The following DCC variants were observed in gnomAD, a reference collection of about 807,000 sequenced individuals.
DCC encodes the protein DCC netrin 1 receptor.
Under a neutral mutation model 172.5 loss-of-function variants are expected in DCC, and 58 were observed. The ratio of observed to expected loss-of-function variants is 0.34; its 90% CI spans 0.27 to 0.42. The LOEUF (loss-of-function observed/expected upper bound fraction) is 0.42. Among genes scored for constraint, DCC ranks in the 10% least tolerant of loss-of-function variants. The pLI, the probability that DCC is intolerant of heterozygous loss-of-function variation, is 1.00. For missense variants in DCC, 1,740 were observed against 1,791.0 expected (o/e 0.97, Z 0.51); for synonymous variants, 709 against 644.5 (o/e 1.10, Z -1.52).
At chr18:53,282,844 T>C (rs935414622) in intron 12 of DCC, among the ~76,000 whole-genome samples, 1 of 152,120 alleles carries the variant, frequency 6.6e-6, no homozygotes, top group East Asian at 1.9e-4. Context: ...ATGAATGCCA[T>C]TGGGTACCAA....
At chr18:53,204,648 A>G (rs922256938) in intron 9 of DCC, among the ~76,000 whole-genome samples, 5 of 152,210 alleles carry the variant, frequency 3.3e-5, no homozygotes, top group African/African-American at 9.6e-5. Flanking sequence ...TAACAATAAT[A>G]AGAGAAAATG....
chr18:52,382,920 A>G (rs1401127515), intron 1 of DCC, among the ~76,000 whole-genome samples: 2 of 152,132 alleles, frequency 1.3e-5, no homozygotes, highest in Non-Finnish European at 2.9e-5. Context: ...TATGTCATTC[A>G]TTATTTCATC....
chr18:53,080,328 T>A (rs1329678153), intron 7 of DCC, among the ~76,000 whole-genome samples: 1 of 152,138 alleles, frequency 6.6e-6, no homozygotes, highest in East Asian at 1.9e-4. Flanking sequence ...AGAAAGAGCC[T>A]GGATTCTGAG....
intron 1 of DCC, among the ~76,000 whole-genome samples, chr18:52,380,266 C>T (rs1016910980): frequency 6.7e-6 from 1 of 149,538 alleles, no homozygotes; most frequent in African/African-American, 2.5e-5. Flanking sequence ...CAAACTATAC[C>T]AGTCCCCTAG....
At chr18:52,978,248 G>C (rs1400131279) in intron 5 of DCC, among the ~76,000 whole-genome samples, 1 of 152,092 alleles carries the variant, frequency 6.6e-6, no homozygotes, top group East Asian at 1.9e-4. Context: ...TGCTGGAAGA[G>C]GGGCAAAACC....
intron 27 of DCC, among the ~76,000 whole-genome samples, chr18:53,504,742 G>A (rs1196935988): frequency 6.6e-6 from 1 of 152,152 alleles, no homozygotes; most frequent in African/African-American, 2.4e-5. Context: ...AAAGAGCTCT[G>A]TTAATTGCCC....
intron 1 of DCC, among the ~76,000 whole-genome samples, chr18:52,656,056 A>G (rs1285171943): frequency 7.1e-6 from 1 of 141,446 alleles, no homozygotes; most frequent in African/African-American, 2.7e-5. Context: ...ATATGTATAT[A>G]TGTGTATATA....
intron 13 of DCC, among the ~76,000 whole-genome samples, chr18:53,316,476 T>C (rs1011905170): frequency 6.6e-6 from 1 of 152,024 alleles, no homozygotes; most frequent in African/African-American, 2.4e-5. Flanking sequence ...GAAGTTTTTT[T>C]TTTTCTAATT....
intron 1 of DCC, among the ~76,000 whole-genome samples, chr18:52,525,405 A>G (rs2031952623): frequency 6.6e-6 from 1 of 152,196 alleles, no homozygotes; most frequent in Non-Finnish European, 1.5e-5. Flanking sequence ...ATCTGTCACA[A>G]GCATTGTCAA....
At chr18:53,416,177 A>AT in intron 21 of DCC, 21 bp downstream of exon 21, 1 of 1,582,062 alleles carries the variant, frequency 6.3e-7, no homozygotes, top group Non-Finnish European at 8.7e-7. Context: ...TCAATCTGTC[A>AT]TTTTGTGTTC....
chr18:53,288,626 A>T (rs2056963079), intron 12 of DCC, among the ~76,000 whole-genome samples: 1 of 152,142 alleles, frequency 6.6e-6, no homozygotes, highest in Non-Finnish European at 1.5e-5. Context: ...AATTATAGCC[A>T]ACTACAGGTG....
chr18:52,733,626 T>A (rs1294679410), intron 1 of DCC, among the ~76,000 whole-genome samples: 1 of 152,030 alleles, frequency 6.6e-6, no homozygotes, highest in South Asian at 2.1e-4. Context: ...TCCCAAGTAG[T>A]TAGGACTAGA....
intron 1 of DCC, among the ~76,000 whole-genome samples, chr18:52,433,603 CACTT>C (rs1987695095): frequency 6.6e-6 from 1 of 151,414 alleles, no homozygotes; most frequent in Admixed American, 6.6e-5. Context: ...TGAATTCTAA[CACTT>C]ACATTAGAAG....
intron 1 of DCC, among the ~76,000 whole-genome samples, chr18:52,472,761 C>A (rs368048703): frequency 3.3e-5 from 5 of 151,950 alleles, no homozygotes; most frequent in African/African-American, 1.2e-4. Context: ...AAAAATTAGC[C>A]GGGTAAGGTG....
At chr18:53,323,153 A>T (rs1462963251) in intron 14 of DCC, among the ~76,000 whole-genome samples, 1 of 152,050 alleles carries the variant, frequency 6.6e-6, no homozygotes, top group East Asian at 1.9e-4. Context: ...TCCGTTTTTA[A>T]ATCTCTCTTT....
intron 12 of DCC, among the ~76,000 whole-genome samples, chr18:53,280,012 A>T (rs1376003673): frequency 6.6e-6 from 1 of 152,134 alleles, no homozygotes; most frequent in African/African-American, 2.4e-5. Flanking sequence ...TGGGTGACAA[A>T]ATAATCTATA....
At chr18:53,010,327 G>A (rs2041709262) in intron 5 of DCC, among the ~76,000 whole-genome samples, 1 of 151,692 alleles carries the variant, frequency 6.6e-6, no homozygotes, top group African/African-American at 2.4e-5. Context: ...CTAATAGAAT[G>A]TAATGCATTG....
chr18:53,533,048 C>A lies in DCC; in HGVS notation c.*2395C>A, dbSNP rs956047300. 3.9e-5 allele frequency: 6 copies of A among 152,144 alleles called. No homozygotes were observed. Among genetic ancestry groups the A allele is most frequent in the Non-Finnish European group, 7.3e-5 (5 of 68,036 alleles). 9.4% of individuals were successfully genotyped at this position (152,144 alleles called of 1,614,324 possible). ...AGCACCATGCATTTAATCTATAATA[C>A]AATCAATTTAAACATCCTCAAAAAA... On this transcript the variant is annotated 3_prime_UTR_variant, in exon 29 of 29. Transcript: ENST00000442544.
chr18:52,352,216 G>T lies in DCC; in HGVS notation c.91+11338G>T, dbSNP rs1487458720. 2.0e-5 allele frequency among the ~76,000 whole-genome samples: 3 copies of T among 152,162 alleles called. No individual in the cohort carries two copies. The East Asian group carries it at 5.8e-4, about 29-fold the overall frequency. ...ATTTCATAAATGCTAGCTATTGTTA[G>T]TATTATGTTAGTATGGGCTACATTT... On this transcript the variant is annotated intron_variant, in intron 1 of 28. Transcript: ENST00000442544.
Sources: gnomAD v4.1 joint callset for allele counts (sites outside exome capture counted in the v4.1 genomes callset) on GRCh38, gnomAD v4.1.1 for gene constraint, MANE v1.5 for transcripts, NCBI Gene and HGNC (gene_info 2026-07-23, HGNC 2026-07-21) for gene names.